The following ZNF581 variants were observed in gnomAD, a reference collection of about 807,000 sequenced individuals.
ZNF581 encodes the protein zinc finger protein 581.
In ZNF581, 1 loss-of-function variant was observed where a neutral mutation model predicts 1.2. The ratio of observed to expected loss-of-function variants is 0.83; its 90% CI spans 0.30 to 3.95. The LOEUF is 3.95. Among genes scored for constraint, ZNF581 ranks in the 30% most tolerant of loss-of-function variants. ZNF581 has a pLI of 0.18. For missense variants in ZNF581, 273 were observed against 274.6 expected (o/e 0.99, Z 0.04); for synonymous variants, 105 against 109.2 (o/e 0.96, Z 0.24).
At chr19:55,642,555 C>A, upstream of ZNF581, 1 of 1,458,226 alleles carries the variant, frequency 6.9e-7, no homozygotes, top group Non-Finnish European at 9.0e-7. Context: ...TCCTCCTCTC[C>A]GGAGGCCATG....
At chr19:55,643,036 C>G, upstream of ZNF581, 1 of 1,358,500 alleles carries the variant, frequency 7.4e-7, no homozygotes. Flanking sequence ...AAGCTCGAGA[C>G]CCGGCCTGTG....
At chr19:55,637,283 C>T (rs746826862), upstream of ZNF581, among the ~76,000 whole-genome samples, 1 of 152,116 alleles carries the variant, frequency 6.6e-6, no homozygotes, top group Admixed American at 6.5e-5. Flanking sequence ...CGCCTATAAT[C>T]CCAGGACTTT....
chr19:55,643,336 T>C (rs1468691195), upstream of ZNF581: 7 of 356,604 alleles, frequency 2.0e-5, no homozygotes, highest in East Asian at 2.7e-4. Flanking sequence ...TTTTCTGCTC[T>C]CTGGAGCGGT....
At chr19:55,643,821 G>A (rs1026371163) in intron 1 of ZNF581, 47 bp downstream of exon 1, 2 of 152,350 alleles carry the variant, frequency 1.3e-5, no homozygotes, top group African/African-American at 4.8e-5. Context: ...GGCGGCGGGA[G>A]GGGCTGGACC....
upstream of ZNF581, chr19:55,642,945 C>G: frequency 7.0e-7 from 1 of 1,438,536 alleles, no homozygotes; most frequent in Non-Finnish European, 9.1e-7. Flanking sequence ...CGCGCCCGCG[C>G]CGGGCCGCCG....
upstream of ZNF581, chr19:55,643,354 T>A (rs1042794720): frequency 9.4e-6 from 3 of 319,240 alleles, no homozygotes; most frequent in Non-Finnish European, 1.2e-5. Flanking sequence ...GGTGAACCGG[T>A]GGTTGTCTGC....
chr19:55,640,530 C>T, upstream of ZNF581: 1 of 985,470 alleles, frequency 1.0e-6, no homozygotes, highest in Non-Finnish European at 1.2e-6. Context: ...GTGGAAAGAA[C>T]ATACCTTCCC....
upstream of ZNF581, among the ~76,000 whole-genome samples, chr19:55,641,594 G>A (rs909948518): frequency 2.0e-5 from 3 of 152,134 alleles, no homozygotes; most frequent in African/African-American, 7.2e-5. Context: ...GAGGTGCTGT[G>A]GGAAGCGGAG....
upstream of ZNF581, among the ~76,000 whole-genome samples, chr19:55,638,486 C>T (rs10418243): frequency 4.5e-4 from 69 of 152,284 alleles, no homozygotes; most frequent in African/African-American, 1.6e-3. Flanking sequence ...CTGCCCGCCT[C>T]GCCCTCCCAA....
At chr19:55,637,127 TCA>T (rs936052087), upstream of ZNF581, among the ~76,000 whole-genome samples, 3 of 149,982 alleles carry the variant, frequency 2.0e-5, no homozygotes, top group Non-Finnish European at 4.5e-5. Context: ...ATTATTATTA[TCA>T]TTTTTTTTGG....
At chr19:55,643,296 T>A, upstream of ZNF581, 1 of 428,166 alleles carries the variant, frequency 2.3e-6, no homozygotes, top group Non-Finnish European at 4.1e-6. Flanking sequence ...TGTGAGCCTG[T>A]GCAAGTGACA....
chr19:55,635,222 CG>C (rs1982027680), upstream of ZNF581: 1 of 152,208 alleles, frequency 6.6e-6, no homozygotes, highest in African/African-American at 2.4e-5. Context: ...GACCAGGGGA[CG>C]AGGTATAGGA....
At chr19:55,641,001 C>A (rs1982424249), upstream of ZNF581, 2 of 985,386 alleles carry the variant, frequency 2.0e-6, no homozygotes, top group Non-Finnish European at 2.4e-6. Context: ...TTCCGGCCGG[C>A]GCCTTTTCCC....
chr19:55,638,562 T>C (rs1198148089), upstream of ZNF581, among the ~76,000 whole-genome samples: 1 of 151,848 alleles, frequency 6.6e-6, no homozygotes, highest in Non-Finnish European at 1.5e-5. Context: ...CAACTAGATC[T>C]CATGTGAACT....
upstream of ZNF581, among the ~76,000 whole-genome samples, chr19:55,636,979 G>A (rs1982130343): frequency 6.6e-6 from 1 of 152,190 alleles, no homozygotes; most frequent in African/African-American, 2.4e-5. Flanking sequence ...GCCTTGCAGA[G>A]TGTCTGGGTT....
At chr19:55,643,007 C>T, upstream of ZNF581, 1 of 1,365,464 alleles carries the variant, frequency 7.3e-7, no homozygotes, top group South Asian at 1.9e-5. Flanking sequence ...GGAGCTGGCG[C>T]AGCACGTGCG....
chr19:55,640,592 T>A, upstream of ZNF581: 2 of 985,424 alleles, frequency 2.0e-6, no homozygotes, highest in Non-Finnish European at 2.4e-6. Context: ...CCCCATTTGC[T>A]GGGTGGAGAA....
upstream of ZNF581, among the ~76,000 whole-genome samples, chr19:55,639,034 A>G (rs534987650): frequency 5.3e-5 from 8 of 151,846 alleles, no homozygotes; most frequent in African/African-American, 1.9e-4. Flanking sequence ...AGAAAAAAAA[A>G]AGATTTGGAG....
upstream of ZNF581, chr19:55,640,369 G>C: frequency 2.0e-6 from 2 of 985,480 alleles, no homozygotes; most frequent in Non-Finnish European, 2.4e-6. Context: ...GGCCCCGTGG[G>C]CAGTGCCAGC....
Sources: allele counts gnomAD v4.1 joint callset (sites outside exome capture counted in the v4.1 genomes callset), GRCh38; gene constraint gnomAD v4.1.1; transcripts MANE v1.5; gene names NCBI Gene and HGNC (gene_info 2026-07-23, HGNC 2026-07-21).